NCOA5: variants seen among roughly 807,000 people sequenced by gnomAD.
The protein encoded by NCOA5 is NCoA-5.
In NCOA5, 12 loss-of-function variants were observed where a neutral mutation model predicts 59.0. The ratio of observed to expected loss-of-function variants is 0.20; its 90% confidence interval spans 0.13 to 0.33. The LOEUF is 0.33. Ranked by LOEUF, NCOA5 falls within the 10% of genes least tolerant of loss-of-function variation. NCOA5 has a pLI of 1.00. For synonymous variants in NCOA5, 270 were observed against 275.5 expected, an observed-to-expected ratio of 0.98 and a Z score of 0.20; for missense variants, 655 against 766.6, an observed-to-expected ratio of 0.85 and a Z score of 1.72.
At chr20:46,073,824 AG>A (rs1448100669) in intron 2 of NCOA5, among the ~76,000 whole-genome samples, 1 of 152,216 alleles carries the variant, frequency 6.6e-6, no homozygotes, top group African/African-American at 2.4e-5. Flanking sequence ...TACCTGTCAA[AG>A]TCCATCCCTG....
rs1170873378 is a variant in NCOA5 at position 46,068,712 on chromosome 20, G to A, written c.366-74C>T. The A allele has an allele frequency of 3.5e-6, 5 of 1,439,134 alleles. No homozygotes were observed. In the African/African-American group the frequency reaches 7.1e-5, roughly 21 times the overall value. 89.1% of individuals were successfully genotyped at this position (1,439,134 alleles called of 1,614,324 possible). ...GAAAAAGTCACCTAGAGAATTCTCTGGGATTAGACAAATGAGGTTTATATC... is the reference window on the plus strand; with the variant it reads ...GAAAAAGTCACCTAGAGAATTCTCTAGGATTAGACAAATGAGGTTTATATC... On this transcript the variant is annotated intron_variant, in intron 3 of 7. Coordinates refer to ENST00000290231, the MANE Select transcript of NCOA5 (RefSeq NM_020967.3).
At chr20:46,076,125 T>C (rs1332179955) in intron 2 of NCOA5, among the ~76,000 whole-genome samples, 1 of 152,208 alleles carries the variant, frequency 6.6e-6, no homozygotes, top group African/African-American at 2.4e-5. Context: ...AATATTCTTA[T>C]TAAACGTAGA....
chr20:46,084,747 A>C (rs2085029042), intron 1 of NCOA5, among the ~76,000 whole-genome samples: 2 of 152,226 alleles, frequency 1.3e-5, no homozygotes, highest in African/African-American at 4.8e-5. Flanking sequence ...CTCAAGGAGA[A>C]AAATCAGCTG....
chr20:46,080,175 G>C (rs1162517560), intron 1 of NCOA5, among the ~76,000 whole-genome samples: 2 of 152,068 alleles, frequency 1.3e-5, no homozygotes, highest in Non-Finnish European at 2.9e-5. Context: ...AACTAGATAT[G>C]GGAGAAAAGT....
chr20:46,089,400 G>A (rs1404880125), intron 1 of NCOA5, among the ~76,000 whole-genome samples: 1 of 152,206 alleles, frequency 6.6e-6, no homozygotes, highest in African/African-American at 2.4e-5. Flanking sequence ...GACGCCTTGG[G>A]CCCGGTTCGA....
chr20:46,072,196 A>G (rs2084889766), intron 2 of NCOA5, among the ~76,000 whole-genome samples: 1 of 151,972 alleles, frequency 6.6e-6, no homozygotes, highest in Non-Finnish European at 1.5e-5. Context: ...TCACCCTCAA[A>G]CCACAGCAAG....
At chr20:46,078,880 T>C (rs2084965440) in intron 2 of NCOA5, among the ~76,000 whole-genome samples, 1 of 152,134 alleles carries the variant, frequency 6.6e-6, no homozygotes, top group Non-Finnish European at 1.5e-5. Flanking sequence ...GCCCTTTTTA[T>C]TTCCCCTCAA....
At chr20:46,089,630 A>C (rs1398948934) in intron 1 of NCOA5, among the ~76,000 whole-genome samples, 187 bp downstream of exon 1, 6 of 151,642 alleles carry the variant, frequency 4.0e-5, no homozygotes, top group African/African-American at 1.5e-4. Flanking sequence ...GCCTGACGGG[A>C]GCCGGAGGCG....
At chr20:46,080,630 G>A (rs1354843571) in intron 1 of NCOA5, among the ~76,000 whole-genome samples, 1 of 152,078 alleles carries the variant, frequency 6.6e-6, no homozygotes, top group Non-Finnish European at 1.5e-5. Flanking sequence ...CAACTTTTGA[G>A]TTCCTGATCA....
chr20:46,089,438 G>A (rs1235984190), intron 1 of NCOA5, among the ~76,000 whole-genome samples: 1 of 152,244 alleles, frequency 6.6e-6, no homozygotes, highest in Non-Finnish European at 1.5e-5. Flanking sequence ...GACTCGCTGA[G>A]GACCCGCGGG....
chr20:46,072,410 C>T (rs957318403), intron 2 of NCOA5, among the ~76,000 whole-genome samples: 1 of 152,154 alleles, frequency 6.6e-6, no homozygotes, highest in Non-Finnish European at 1.5e-5. Flanking sequence ...TCACGGAACA[C>T]TACAGCCTTG....
At chr20:46,068,419 A>G in intron 4 of NCOA5, 83 bp downstream of exon 4, 1 of 1,434,898 alleles carries the variant, frequency 7.0e-7, no homozygotes, top group Non-Finnish European at 9.3e-7. Flanking sequence ...CCTTTTTCAG[A>G]TGGGGGTACT....
intron 7 of NCOA5, 90 bp downstream of exon 7, chr20:46,063,270 G>A: frequency 7.3e-7 from 1 of 1,367,222 alleles, no homozygotes; most frequent in East Asian, 2.4e-5. Context: ...CCACTCCAAA[G>A]AGCCCTGGGC....
intron 4 of NCOA5, 146 bp from the exon 5 acceptor site, chr20:46,067,327 T>C: frequency 9.9e-7 from 1 of 1,007,066 alleles, no homozygotes. Context: ...TTTTTACTAT[T>C]ATAAATTAAC....
chr20:46,079,596 T>TCGAAACCCCG, intron 1 of NCOA5, 143 bp from the exon 2 acceptor site: 2 of 663,866 alleles, frequency 3.0e-6, no homozygotes, highest in East Asian at 5.6e-5. Context: ...AGACACACTG[T>TCGAAACCCCG]CACTTGGGCA....
At chr20:46,078,415 C>T (rs956315003) in intron 2 of NCOA5, among the ~76,000 whole-genome samples, 1 of 152,192 alleles carries the variant, frequency 6.6e-6, no homozygotes, top group East Asian at 1.9e-4. Context: ...CCAGTACAGA[C>T]GAGGATTCAC....
chr20:46,064,026 G>T (rs1023446206), intron 6 of NCOA5, among the ~76,000 whole-genome samples: 6 of 152,196 alleles, frequency 3.9e-5, no homozygotes, highest in Non-Finnish European at 1.5e-5. Flanking sequence ...ACAGCCTCTA[G>T]ACCAGCAGCA....
rs573466758 is a variant in NCOA5, at chr20:46,062,700, T to C, written c.1340A>G (p.Asn447Ser). The change falls in exon 8 of 8, where the codon AAT becomes AGT. Residue 447 changes from asparagine (N) to serine (S), a missense_variant. This residue lies in a region of NCOA5 where 325 missense variants were observed against 353.2 expected (regional missense o/e 0.92). Coordinates refer to ENST00000290231, the MANE Select transcript of NCOA5 (RefSeq NM_020967.3). ...SLFNSGTVTA[N>S]SSSASPSVAA... ...AACCGAGGGGGATGCAGAGCTGCTA[T>C]TGGCCGTCACTGTGCCACTATTGAA... 2.4e-5 allele frequency: 39 copies of C among 1,614,082 alleles called. No homozygotes were observed. The highest frequency in any genetic ancestry group is 4.5e-5 in the East Asian group (2 of 44,866).
At chr20:46,083,718 T>G (rs910110818) in intron 1 of NCOA5, among the ~76,000 whole-genome samples, 1 of 152,228 alleles carries the variant, frequency 6.6e-6, no homozygotes, top group Non-Finnish European at 1.5e-5. Flanking sequence ...TGGCATTACA[T>G]GCTGATAAAG....
Sources: allele counts gnomAD v4.1 joint callset (sites outside exome capture counted in the v4.1 genomes callset), GRCh38; gene constraint gnomAD v4.1.1; regional missense constraint gnomAD v4.1.1; transcripts MANE v1.5; gene names NCBI Gene and HGNC (gene_info 2026-07-23, HGNC 2026-07-21).